The following RPL3L variants were observed in gnomAD, a reference collection of about 807,000 sequenced individuals.
RPL3L encodes the protein ribosomal protein L3 like.
Under a neutral mutation model 44.5 loss-of-function variants are expected in RPL3L, and 44 were observed. The ratio of observed to expected loss-of-function variants is 0.99; its 90% CI spans 0.78 to 1.27. The LOEUF (loss-of-function observed/expected upper bound fraction) is 1.27. Ranked by LOEUF, RPL3L falls within the 50% of genes most tolerant of loss-of-function variation. The pLI, the probability that RPL3L is intolerant of heterozygous loss-of-function variation, is 0.00. For synonymous variants in RPL3L, 292 were observed against 230.7 expected (o/e 1.27, Z -2.41); for missense variants, 631 against 569.1 (o/e 1.11, Z -1.11).
At position 1,948,916 on chromosome 16, in the gene RPL3L, G is replaced by A. The variant is rs180826450; in HGVS notation, c.502-1536C>T. On this transcript the variant is annotated intron_variant, in intron 4 of 9. Transcript: ENST00000268661. ...TTTTTAGTAGAGACGGGGTTTCACC[G>A]CGTTAGCTAGGATGGTCTCAATCTC... Among the ~76,000 whole-genome samples the A allele has an allele frequency of 4.1e-4, 63 of 151,822 alleles. No homozygotes were observed. The Middle Eastern group carries it at 0.01, about 25-fold the overall frequency.
intron 8 of RPL3L, 50 bp downstream of exon 8, chr16:1,945,785 G>C: frequency 6.2e-7 from 1 of 1,609,880 alleles, no homozygotes; most frequent in Non-Finnish European, 8.5e-7. Flanking sequence ...GGGCAGGACA[G>C]GCTGGCAGCC....
chr16:1,951,499 AC>A lies in RPL3L; in HGVS notation c.366-521del, dbSNP rs371176718. The stretch of plus-strand genomic sequence containing the variant: ...CAGACTCAAGCAATCCTCCCACCTC[AC>A]CCCCCATGTAGCTGAGACCACAGGC... On this transcript the variant is annotated intron_variant, in intron 3 of 9. Coordinates refer to ENST00000268661, the MANE Select transcript of RPL3L (RefSeq NM_005061.3). Among the ~76,000 whole-genome samples the A allele has an allele frequency of 1.1e-3, 166 of 150,528 alleles. 1 individual carries two copies. Among genetic ancestry groups the A allele is most frequent in the African/African-American group, 3.8e-3 (155 of 40,920 alleles).
intron 7 of RPL3L, 48 bp downstream of exon 7, chr16:1,946,577 A>T (rs773115967): frequency 1.3e-6 from 2 of 1,579,634 alleles, no homozygotes; most frequent in South Asian, 1.1e-5. Flanking sequence ...CACTCCAGCC[A>T]TCATCAGCGG....
intron 1 of RPL3L, 75 bp from the exon 2 acceptor site, chr16:1,954,223 C>G: frequency 7.2e-7 from 1 of 1,382,314 alleles, no homozygotes; most frequent in Non-Finnish European, 9.6e-7. Context: ...AGAACCCATA[C>G]CTGGAGAAAT....
At position 1,945,922 on chromosome 16, in the gene RPL3L, G is replaced by A. The variant is rs760487705; in HGVS notation, c.960C>T (p.Phe320=). 6.2e-7 allele frequency: 1 copy of A among 1,611,134 alleles called. No homozygotes were observed. Among genetic ancestry groups the A allele is most frequent in the South Asian group, 1.1e-5 (1 of 90,648 alleles). The part of the protein sequence containing the change: ...TAKSITPLGG[F]PHYGEVNNDF... ...CGTTGTTCACTTCCCCGTAGTGGGGGAAGCCACCCTGCAGAGGACACAGGT... is the reference window on the plus strand; with the variant it reads ...CGTTGTTCACTTCCCCGTAGTGGGGAAAGCCACCCTGCAGAGGACACAGGT... The change falls in exon 8 of 10, where the codon TTC becomes TTT. Residue 320 remains phenylalanine, a synonymous_variant. Coordinates refer to ENST00000268661, the MANE Select transcript of RPL3L (RefSeq NM_005061.3).
At chr16:1,949,259 C>CTTTTTTTTTTTTTT (rs58248501) in intron 4 of RPL3L, among the ~76,000 whole-genome samples, 3 of 75,234 alleles carry the variant, frequency 4.0e-5, no homozygotes, top group Admixed American at 1.6e-4. Context: ...TTTTTTTTTT[C>CTTTTTTTTTTTTTT]TTTTTTTTTT....
At chr16:1,951,769 A>ATTC (rs2083173650) in intron 3 of RPL3L, among the ~76,000 whole-genome samples, 1 of 138,882 alleles carries the variant, frequency 7.2e-6, no homozygotes, top group Admixed American at 7.4e-5. Context: ...TATTATTATT[A>ATTC]TTCCCATTCT....
chr16:1,953,931 C>T, intron 2 of RPL3L, 25 bp downstream of exon 2: 1 of 1,478,260 alleles, frequency 6.8e-7, no homozygotes, highest in Non-Finnish European at 9.0e-7. Context: ...CTCCCCCTCC[C>T]CCAAGGGTCC....
intron 4 of RPL3L, among the ~76,000 whole-genome samples, chr16:1,949,675 T>C (rs381586): frequency 7.5e-6 from 1 of 133,026 alleles, no homozygotes; most frequent in Non-Finnish European, 1.6e-5. Context: ...TAGGTATGTA[T>C]GGGGCAGGTA....
intron 2 of RPL3L, among the ~76,000 whole-genome samples, chr16:1,953,696 A>T (rs1054054451): frequency 6.6e-6 from 1 of 152,210 alleles, no homozygotes; most frequent in Non-Finnish European, 1.5e-5. Flanking sequence ...TTTGAATCCT[A>T]GCTCCTGCGC....
In RPL3L at chr16:1,946,714, C is replaced by T. The variant is rs550817203; in HGVS notation, c.862G>A (p.Gly288Ser). 64 of 1,612,612 alleles carry T rather than the reference C, an allele frequency of 4.0e-5. No individual in the cohort carries two copies. Among genetic ancestry groups the T allele is most frequent in the Non-Finnish European group, 4.8e-5 (57 of 1,179,930 alleles). The change falls in exon 7 of 10, where the codon GGC becomes AGC. Residue 288 changes from glycine to serine, a missense_variant. Physicochemically the swap from Gly to Ser is moderately conservative, Grantham distance 56. Transcript: ENST00000268661. ...TELNKKIFRI[G>S]RGPHMEDGKL... ...CCGTCCTCCATGTGCGGGCCCCTGC[C>T]GATGCGGAAGATCTGCCAGAAGGGG...
chr16:1,948,821 T>C (rs1488226627), intron 4 of RPL3L, among the ~76,000 whole-genome samples: 3 of 152,014 alleles, frequency 2.0e-5, no homozygotes, highest in African/African-American at 7.3e-5. Flanking sequence ...GTTCACGCCA[T>C]TCTCCTACCT....
rs374688036 is a variant in RPL3L at position 1,944,838 on chromosome 16, T to C, written c.1223A>G (p.Ter408TrpextTer6). 1.3e-5 allele frequency: 21 copies of C among 1,613,962 alleles called. No individual in the cohort carries two copies. The highest frequency in any genetic ancestry group is 1.4e-5 in the Non-Finnish European group (17 of 1,180,014). The change falls in exon 10 of 10, where the codon TAG becomes TGG. Residue 408 changes from the stop codon to tryptophan (W), a stop_lost. Coordinates refer to ENST00000268661, the MANE Select transcript of RPL3L (RefSeq NM_005061.3). The stretch of plus-strand genomic sequence containing the variant: ...CAGGGTTCATCCACCCCACACAGCC[T>C]ACAAGTCTCCCGAGGTCTCCGGCGT... ...KETPETSGDL[*>W]
At chr16:1,945,962 G>A (rs199940220) in intron 7 of RPL3L, 32 bp from the exon 8 acceptor site, 35 of 1,571,122 alleles carry the variant, frequency 2.2e-5, no homozygotes, top group African/African-American at 1.9e-4. Context: ...GGCCAGGCCC[G>A]GAAAGGGCTT....
Position 1,945,575 on chromosome 16 carries a change from T to C in RPL3L, c.1091A>G (p.Glu364Gly). Residue 364 changes from glutamate to glycine, a missense_variant, in exon 9 of 10, where the codon GAG becomes GGG. Coordinates refer to ENST00000268661, the MANE Select transcript of RPL3L (RefSeq NM_005061.3). ...GGAGGTGGTGTCAATGAACTTGAGC[T>C]CAATATTCTCCACGGCTTGGCGACT... ...HHSRQAVENI[E>G]LKFIDTTSKF... 6.2e-7 allele frequency: 1 copy of C among 1,613,818 alleles called. No individual in the cohort carries two copies. The highest frequency in any genetic ancestry group is 8.5e-7 in the Non-Finnish European group (1 of 1,179,950).
At chr16:1,946,875 A>G in intron 6 of RPL3L, 63 bp downstream of exon 6, 1 of 1,561,652 alleles carries the variant, frequency 6.4e-7, no homozygotes, top group South Asian at 1.2e-5. Context: ...CCACCCACTG[A>G]GGCCAGTACT....
chr16:1,948,000 T>TGC (rs1324044114), intron 4 of RPL3L, among the ~76,000 whole-genome samples: 27 of 149,088 alleles, frequency 1.8e-4, no homozygotes, highest in Middle Eastern at 3.5e-3. Flanking sequence ...TGCAATGGCA[T>TGC]GATCTCGGCT....
chr16:1,951,099 C>A (rs767417441), intron 3 of RPL3L, 120 bp from the exon 4 acceptor site: 11 of 1,330,992 alleles, frequency 8.3e-6, no homozygotes, highest in South Asian at 1.4e-5. Flanking sequence ...GACCGCCCCC[C>A]ACCCGGAGGC....
Position 1,950,953 on chromosome 16 carries a change from G to A in RPL3L, c.392C>T (p.Thr131Ile). ...GTCCCGCCACCTCTTGCAGGCCTTGGTGAAGGCTTTCTTCTTGCTCTTGTG... is the reference window on the plus strand; with the variant it reads ...GTCCCGCCACCTCTTGCAGGCCTTGATGAAGGCTTTCTTCTTGCTCTTGTG... ...DWHKSKKKAF[T>I]KACKRWRDTD... The change falls in exon 4 of 10, where the codon ACC (threonine) becomes ATC (isoleucine). Residue 131 changes from threonine (T) to isoleucine (I), a missense_variant. Coordinates refer to ENST00000268661, the MANE Select transcript of RPL3L (RefSeq NM_005061.3). 1 of 1,613,942 alleles carries A rather than the reference G, an allele frequency of 6.2e-7. No homozygotes were observed. The highest frequency in any genetic ancestry group is 1.7e-5 in the Admixed American group (1 of 59,998).
Sources: allele counts gnomAD v4.1 joint callset (sites outside exome capture counted in the v4.1 genomes callset), GRCh38; gene constraint gnomAD v4.1.1; transcripts MANE v1.5; gene names NCBI Gene and HGNC (gene_info 2026-07-23, HGNC 2026-07-21).